Variants in RAD51B observed in about 807,000 individuals in gnomAD.
RAD51B encodes RAD51 paralog B.
A neutral mutation model predicts 42.2 loss-of-function variants in RAD51B; 38 were observed. The ratio of observed to expected loss-of-function variants is 0.90; its 90% confidence interval spans 0.70 to 1.18. The LOEUF (loss-of-function observed/expected upper bound fraction) is 1.18, where lower values mean the gene tolerates loss of function less well. Among genes scored for constraint, RAD51B ranks in the 50% most tolerant of loss-of-function variants. RAD51B has a pLI of 0.00. For synonymous variants in RAD51B, 154 were observed against 145.2 expected (o/e 1.06, Z -0.43); for missense variants, 373 against 400.7 (o/e 0.93, Z 0.59).
At chr14:67,904,669 A>G (rs1290776673) in intron 7 of RAD51B, among the ~76,000 whole-genome samples, 1 of 151,390 alleles carries the variant, frequency 6.6e-6, no homozygotes, top group East Asian at 1.9e-4. Flanking sequence ...ACACCCAGCT[A>G]ATTTTTGTAT....
chr14:68,240,803 T>A (rs1332333952), intron 7 of RAD51B, among the ~76,000 whole-genome samples: 2 of 152,180 alleles, frequency 1.3e-5, no homozygotes, highest in Non-Finnish European at 2.9e-5. Context: ...GAAAGAAAAA[T>A]TATCTTACGC....
Position 68,675,698 on chromosome 14 carries a change from G to C in RAD51B, c.*11+24842G>C, listed in dbSNP as rs1893288489. Among the ~76,000 whole-genome samples, 4 of 152,172 alleles carry C rather than the reference G, an allele frequency of 2.6e-5. No homozygotes were observed. The South Asian group carries it at 8.3e-4, about 32-fold the overall frequency. On this transcript the variant is annotated intron_variant, in intron 11 of 11. Transcript: ENST00000488612. ...ACACATCAGATTAAGGTAGATACTG[G>C]GGGACTCCAGAGATGGGGACAATTC...
intron 7 of RAD51B, chr14:68,149,748 G>C (rs930154905): frequency 6.6e-6 from 1 of 152,106 alleles, no homozygotes; most frequent in Non-Finnish European, 1.5e-5. Context: ...TCCTCTTTAG[G>C]CAACCTGGTT....
At chr14:67,963,894 T>C (rs2074717330) in intron 7 of RAD51B, among the ~76,000 whole-genome samples, 2 of 152,106 alleles carry the variant, frequency 1.3e-5, no homozygotes, top group African/African-American at 4.8e-5. Flanking sequence ...GACATAATCT[T>C]ATGAATCAGA....
intron 11 of RAD51B, among the ~76,000 whole-genome samples, chr14:68,659,162 C>G (rs1372326933): frequency 6.6e-6 from 1 of 152,232 alleles, no homozygotes; most frequent in African/African-American, 2.4e-5. Flanking sequence ...TCTCCACCCA[C>G]GGAGCCTTTT....
chr14:67,966,624 A>G (rs183319292), intron 7 of RAD51B, among the ~76,000 whole-genome samples: 15 of 152,290 alleles, frequency 9.8e-5, no homozygotes, highest in Admixed American at 9.2e-4. Context: ...ACCTTTCTCT[A>G]TGCATTGACT....
chr14:68,289,106 T>C (rs951842932), intron 7 of RAD51B, among the ~76,000 whole-genome samples: 3 of 152,206 alleles, frequency 2.0e-5, no homozygotes, highest in African/African-American at 7.2e-5. Flanking sequence ...TATCCTGATA[T>C]AGAAAATTGT....
rs554462341 is a variant in RAD51B at position 68,421,703 on chromosome 14, C to T, written c.957+10176C>T. The T allele has an allele frequency of 9.9e-4, 1,563 of 1,582,646 alleles. 2 individuals are homozygous for T. The highest frequency in any genetic ancestry group is 1.2e-3 in the Non-Finnish European group (1,342 of 1,165,010). On this transcript the variant is annotated intron_variant, in intron 9 of 10. Coordinates refer to ENST00000471583, the MANE Select transcript of RAD51B (RefSeq NM_133510.4). ...AGATAAAACACAAGTCAAACTTATT[C>T]GAGTTGTCCACAGTCAGCAATGGTG...
chr14:68,304,045 C>T (rs867132348), intron 8 of RAD51B, among the ~76,000 whole-genome samples: 3 of 152,060 alleles, frequency 2.0e-5, no homozygotes, highest in Non-Finnish European at 4.4e-5. Context: ...TGGTGCATGC[C>T]TGTAATCCCA....
chr14:68,409,422 C>T (rs1441272899), intron 8 of RAD51B, among the ~76,000 whole-genome samples: 1 of 152,138 alleles, frequency 6.6e-6, no homozygotes, highest in Admixed American at 6.5e-5. Flanking sequence ...ACATTATTTT[C>T]CTGGATACTG....
chr14:68,552,489 C>T (rs910734892), intron 10 of RAD51B, among the ~76,000 whole-genome samples: 1 of 152,142 alleles, frequency 6.6e-6, no homozygotes, highest in Non-Finnish European at 1.5e-5. Context: ...TGGCAGATAA[C>T]CCCTTGTCTC....
chr14:68,247,564 AT>A (rs1156951376), intron 7 of RAD51B, among the ~76,000 whole-genome samples: 1 of 152,240 alleles, frequency 6.6e-6, no homozygotes, highest in Non-Finnish European at 1.5e-5. Flanking sequence ...ATTCCCTGTA[AT>A]TTTAAGAACT....
At chr14:68,577,742 TCACACACA>T (rs139667426) in intron 10 of RAD51B, among the ~76,000 whole-genome samples, 1 of 149,660 alleles carries the variant, frequency 6.7e-6, no homozygotes, top group East Asian at 1.9e-4. Flanking sequence ...ACCTCTCTCA[TCACACACA>T]CACACACACA....
At chr14:67,971,724 A>G (rs1000819057) in intron 7 of RAD51B, among the ~76,000 whole-genome samples, 9 of 151,998 alleles carry the variant, frequency 5.9e-5, no homozygotes, top group African/African-American at 1.9e-4. Context: ...TACTTAGGTC[A>G]TCCTCCCTCA....
chr14:67,840,296 C>T (rs774076211), intron 4 of RAD51B, among the ~76,000 whole-genome samples: 1 of 152,124 alleles, frequency 6.6e-6, no homozygotes, highest in Non-Finnish European at 1.5e-5. Flanking sequence ...CTTCCTCCTT[C>T]TAATAATCTC....
intron 7 of RAD51B, among the ~76,000 whole-genome samples, chr14:68,012,962 G>A (rs2075710022): frequency 6.6e-6 from 1 of 152,088 alleles, no homozygotes; most frequent in Admixed American, 6.6e-5. Context: ...CCATTCCTGT[G>A]GCTGTGTAAC....
At chr14:67,893,752 T>C (rs1003018304) in intron 7 of RAD51B, among the ~76,000 whole-genome samples, 1 of 152,076 alleles carries the variant, frequency 6.6e-6, no homozygotes, top group Admixed American at 6.5e-5. Context: ...TGGCTCTGGG[T>C]AGTCATAAAG....
At chr14:68,124,759 C>G (rs1016191682) in intron 7 of RAD51B, among the ~76,000 whole-genome samples, 3 of 152,084 alleles carry the variant, frequency 2.0e-5, no homozygotes, top group African/African-American at 7.2e-5. Flanking sequence ...TGAGACCAGC[C>G]TGGCCAACAT....
intron 7 of RAD51B, among the ~76,000 whole-genome samples, chr14:68,146,654 A>C (rs1000722479): frequency 6.6e-6 from 1 of 152,206 alleles, no homozygotes; most frequent in East Asian, 1.9e-4. Context: ...AGAAAGAGGC[A>C]CTATGTACCT....
Sources: allele counts gnomAD v4.1 joint callset (sites outside exome capture counted in the v4.1 genomes callset), GRCh38; gene constraint gnomAD v4.1.1; transcripts MANE v1.5; gene names NCBI Gene and HGNC (gene_info 2026-07-23, HGNC 2026-07-21).